The following DNAI4 variants were observed in gnomAD, a reference collection of about 807,000 sequenced individuals.
DNAI4 encodes the protein dynein axonemal intermediate chain 4, also known as WD repeat domain 78.
Under a neutral mutation model 105.8 loss-of-function variants are expected in DNAI4, and 85 were observed. The observed-to-expected ratio is 0.80, with a 90% CI of 0.67 to 0.96. DNAI4 has a LOEUF of 0.96. Among genes scored for constraint, DNAI4 ranks in the 40% least tolerant of loss-of-function variants. The pLI, the probability that DNAI4 is intolerant of heterozygous loss-of-function variation, is 0.00. For missense variants in DNAI4, 1,014 were observed against 1,005.6 expected (o/e 1.01, Z -0.11); for synonymous variants, 352 against 331.5 (o/e 1.06, Z -0.67).
chr1:66,827,213 T>C, intron 14 of DNAI4, 167 bp from the exon 15 acceptor site: 1 of 589,008 alleles, frequency 1.7e-6, no homozygotes. Flanking sequence ...TTCCCTAAAT[T>C]ATTACATTTA....
intron 7 of DNAI4, among the ~76,000 whole-genome samples, chr1:66,854,965 T>C (rs1461057869): frequency 1.3e-5 from 2 of 152,192 alleles, no homozygotes; most frequent in Non-Finnish European, 2.9e-5. Flanking sequence ...TCCTAGGGCC[T>C]TGCTAACCCT....
intron 16 of DNAI4, among the ~76,000 whole-genome samples, chr1:66,821,513 C>A (rs1645626265): frequency 6.6e-6 from 1 of 152,116 alleles, no homozygotes; most frequent in Admixed American, 6.6e-5. Flanking sequence ...TTTGCCAGTA[C>A]AGAGTAGTCT....
chr1:66,814,453 C>T (rs1645472344), intron 16 of DNAI4, among the ~76,000 whole-genome samples: 1 of 152,072 alleles, frequency 6.6e-6, no homozygotes, highest in South Asian at 2.1e-4. Context: ...ACTGTAACCT[C>T]CGCCTCCTGG....
intron 10 of DNAI4, among the ~76,000 whole-genome samples, chr1:66,836,204 GAA>G (rs746581144): frequency 0.14 from 5,191 of 38,230 alleles, 124 homozygotes; most frequent in Non-Finnish European, 0.19. Context: ...AAGAAAGAAA[GAA>G]AGAGAGAGAG....
At chr1:66,882,435 C>G (rs1231007030) in intron 4 of DNAI4, among the ~76,000 whole-genome samples, 1 of 152,032 alleles carries the variant, frequency 6.6e-6, no homozygotes, top group African/African-American at 2.4e-5. Flanking sequence ...AAGTTTCTTA[C>G]TTTTGCATTT....
intron 4 of DNAI4, among the ~76,000 whole-genome samples, chr1:66,885,843 TG>T (rs774194225): frequency 2.2e-4 from 33 of 152,236 alleles, no homozygotes; most frequent in Non-Finnish European, 3.5e-4. Context: ...TTTGTGTTTT[TG>T]TTTTGCTTTG....
chr1:66,876,569 A>G (rs970230814), intron 4 of DNAI4, among the ~76,000 whole-genome samples: 3 of 152,096 alleles, frequency 2.0e-5, no homozygotes, highest in Non-Finnish European at 4.4e-5. Flanking sequence ...AGGATGGCAA[A>G]TAGGATTTTT....
In DNAI4 at chr1:66,835,828, G is replaced by GCC; in HGVS notation, c.1582-52_1582-51insGG. The GCC allele has an allele frequency of 1.9e-6, 3 of 1,545,468 alleles. No homozygotes were observed. The South Asian group carries it at 3.4e-5, about 17-fold the overall frequency. Reference sequence around the variant, plus strand: ...AATTTGTTTTTGTAGACCACAGTAAGGCAGAATATAATGGTGGCTGAGATT... The same window carrying GCC: ...AATTTGTTTTTGTAGACCACAGTAAGCCGCAGAATATAATGGTGGCTGAGATT... On this transcript the variant is annotated intron_variant, in intron 10 of 16. Coordinates refer to ENST00000371026, the MANE Select transcript of DNAI4 (RefSeq NM_024763.5).
rs769823258 is a variant in DNAI4, at chr1:66,893,287, A to G, written c.472T>C (p.Ser158Pro). Residue 158 changes from serine (S) to proline (P), a missense_variant, in exon 3 of 17, where the codon TCT becomes CCT. Transcript: ENST00000371026. ...QEGSLGSEFI[S>P]SYSLYQNTIN... Reference sequence around the variant, plus strand: ...GTATTCTGATAAAGGCTATAGGAAGATATAAATTCTGATCCAAGTGATCCT... The same window carrying G: ...GTATTCTGATAAAGGCTATAGGAAGGTATAAATTCTGATCCAAGTGATCCT... The G allele has an allele frequency of 5.0e-6, 8 of 1,610,688 alleles. No individual in the cohort carries two copies. The South Asian group carries it at 8.8e-5, about 18-fold the overall frequency.
chr1:66,825,606 A>G (rs1645736843), intron 15 of DNAI4, among the ~76,000 whole-genome samples: 1 of 152,236 alleles, frequency 6.6e-6, no homozygotes, highest in African/African-American at 2.4e-5. Context: ...TGTCCTCAAA[A>G]GAAGACAAGT....
Position 66,890,761 on chromosome 1 carries a change from G to T in DNAI4, c.643+393C>A. 3.8e-6 allele frequency: 1 copy of T among 259,954 alleles called. No homozygotes were observed. The highest frequency in any genetic ancestry group is 4.0e-5 in the South Asian group (1 of 25,216). 16.1% of individuals were successfully genotyped at this position (259,954 alleles called of 1,614,324 possible). Reference sequence around the variant, plus strand: ...AGGGGGAGAAGGAAGAGGAGGAGGAGGAAGAGGAAGAAGAGGAAGAGGAGG... The same window carrying T: ...AGGGGGAGAAGGAAGAGGAGGAGGATGAAGAGGAAGAAGAGGAAGAGGAGG... On this transcript the variant is annotated intron_variant, in intron 4 of 16. Transcript: ENST00000371026. This position sits in a 1 kb window ranked among gnomAD's most constrained non-coding sequence, Gnocchi z 4.1.
rs1645456044 is a variant in DNAI4, at chr1:66,813,558, T to C, written c.*572A>G. The C allele has an allele frequency of 6.6e-6, 1 of 152,352 alleles. No individual in the cohort carries two copies. Among genetic ancestry groups the C allele is most frequent in the African/African-American group, 2.4e-5 (1 of 41,452 alleles). The allele number at this position is 152,352 out of a possible 1,614,324, so 9.4% of individuals were successfully genotyped here. ...AATGTGATAAGCGCTGGTCAAACCA[T>C]AAAATTCTGATATTTACTGTCATAT... is the stretch of plus-strand genomic sequence containing the variant. On this transcript the variant is annotated 3_prime_UTR_variant, in exon 17 of 17. Coordinates refer to ENST00000371026, the MANE Select transcript of DNAI4 (RefSeq NM_024763.5).
At chr1:66,820,351 G>A (rs1462753356) in intron 16 of DNAI4, among the ~76,000 whole-genome samples, 4 of 152,074 alleles carry the variant, frequency 2.6e-5, no homozygotes, top group African/African-American at 9.7e-5. Context: ...TACAAAGCAT[G>A]TTAATTTTTT....
intron 10 of DNAI4, among the ~76,000 whole-genome samples, chr1:66,836,268 GAAAGAAAGAAAGAAAGAA>G (rs1646012451): frequency 4.7e-5 from 3 of 64,370 alleles, no homozygotes; most frequent in Non-Finnish European, 6.8e-5. Context: ...AAGAAAGAAA[GAAAGAAAGAAAGAAAGAA>G]AGAAAGAAAG....
rs924668267 is a variant in DNAI4, at chr1:66,818,445, G to T, written c.2496+3916C>A. Among the ~76,000 whole-genome samples, 11 of 152,146 alleles carry T rather than the reference G, an allele frequency of 7.2e-5. No individual in the cohort carries two copies. The East Asian group carries it at 1.7e-3, about 24-fold the overall frequency. On this transcript the variant is annotated intron_variant, in intron 16 of 16. Coordinates refer to ENST00000371026, the MANE Select transcript of DNAI4 (RefSeq NM_024763.5). Reference sequence around the variant, plus strand: ...TAAATTGCAAAAACTCACTTAGCATGTATTAAAATCTGCTAGACTTAAAAA... The same window carrying T: ...TAAATTGCAAAAACTCACTTAGCATTTATTAAAATCTGCTAGACTTAAAAA...
intron 4 of DNAI4, among the ~76,000 whole-genome samples, chr1:66,884,439 T>C (rs746955253): frequency 6.6e-6 from 1 of 152,192 alleles, no homozygotes; most frequent in East Asian, 1.9e-4. Context: ...CCATCAACAG[T>C]GTATAAGAGT....
chr1:66,881,884 A>C (rs1647079293), intron 4 of DNAI4, among the ~76,000 whole-genome samples: 1 of 152,198 alleles, frequency 6.6e-6, no homozygotes, highest in South Asian at 2.1e-4. Flanking sequence ...AGAGGAACCC[A>C]GTGGGAGGTG....
chr1:66,845,216 T>TAA (rs1557918757), intron 8 of DNAI4, among the ~76,000 whole-genome samples: 1 of 21,106 alleles, frequency 4.7e-5, no homozygotes, highest in African/African-American at 1.6e-4. Context: ...AAAAGAAAAA[T>TAA]TAAAAAAAAA....
chr1:66,848,233 C>T (rs1572643645), intron 7 of DNAI4: 1 of 456,192 alleles, frequency 2.2e-6, no homozygotes, highest in East Asian at 6.9e-5. Context: ...ACAACCTTTC[C>T]TTCATCTTCA....
Sources: allele counts gnomAD v4.1 joint callset (sites outside exome capture counted in the v4.1 genomes callset), GRCh38; gene constraint gnomAD v4.1.1; non-coding constraint Gnocchi (gnomAD v3.1); transcripts MANE v1.5; gene names NCBI Gene and HGNC (gene_info 2026-07-23, HGNC 2026-07-21).